The following SRD5A1 variants were observed in gnomAD, a reference collection of about 807,000 sequenced individuals.
SRD5A1 encodes steroid 5 alpha-reductase 1, also known as 3-oxo-5-alpha-steroid 4-dehydrogenase 1.
In SRD5A1, 22 loss-of-function variants were observed where a neutral mutation model predicts 28.2. That is an observed-to-expected ratio of 0.78 (90% confidence interval 0.56 to 1.12). SRD5A1 has a LOEUF of 1.12. Among genes scored for constraint, SRD5A1 ranks in the 50% most tolerant of loss-of-function variants. The pLI, the probability that SRD5A1 is intolerant of heterozygous loss-of-function variation, is 0.00. For missense variants in SRD5A1, 300 were observed against 346.7 expected (o/e 0.87, Z 1.07); for synonymous variants, 151 against 135.0 (o/e 1.12, Z -0.82).
chr5:6,658,747 T>C (rs1190959545), intron 3 of SRD5A1, among the ~76,000 whole-genome samples: 1 of 151,924 alleles, frequency 6.6e-6, no homozygotes, highest in East Asian at 1.9e-4. Flanking sequence ...CAAAATTCTT[T>C]ATTTCTAATC....
chr5:6,642,029 G>A (rs763494355), intron 1 of SRD5A1, among the ~76,000 whole-genome samples: 12 of 152,298 alleles, frequency 7.9e-5, no homozygotes, highest in Non-Finnish European at 1.3e-4. Flanking sequence ...AGGTATTTAC[G>A]ATGAGAGAAA....
In SRD5A1 at chr5:6,633,884, C is replaced by CCCGGGCCCCCTACCCTACT. The variant is rs757375510; in HGVS notation, c.293+17_293+18insGGGCCCCCTACCCTACTCC. ...TACGGGCATCGGTAACGTCCCCGGC[C>CCCGGGCCCCCTACCCTACT]CCCGGCCCCCTACCCTACTCCCGGC... On this transcript the variant is annotated intron_variant, in intron 1 of 4. Coordinates refer to ENST00000274192, the MANE Select transcript of SRD5A1 (RefSeq NM_001047.4). 6 of 1,596,546 alleles carry CCCGGGCCCCCTACCCTACT rather than the reference C, an allele frequency of 3.8e-6. No homozygotes were observed. In the Admixed American group the frequency reaches 1.0e-4, roughly 27 times the overall value.
chr5:6,665,071 G>A (rs8192233), intron 4 of SRD5A1, among the ~76,000 whole-genome samples: 3,326 of 152,362 alleles, frequency 0.022, 51 homozygotes, highest in Non-Finnish European at 0.027. Flanking sequence ...ACTGGAGAAC[G>A]TTATCAGTTG....
In SRD5A1 at chr5:6,662,940, A is replaced by G. The variant is rs1161677789; in HGVS notation, c.687A>G (p.Leu229=). ...TTGCTTTCTTCACGTTTTGTTTTTTATCTGGTAGAGCAAAAGAGCATCATG... is the reference window on the plus strand; with the variant it reads ...TTGCTTTCTTCACGTTTTGTTTTTTGTCTGGTAGAGCAAAAGAGCATCATG... The part of the protein sequence containing the change: ...AAFAFFTFCF[L]SGRAKEHHEW... Residue 229 remains leucine (L), a synonymous_variant, in exon 4 of 5, where the codon TTA becomes TTG. Transcript: ENST00000274192. 3.1e-6 allele frequency: 5 copies of G among 1,614,034 alleles called. No homozygotes were observed. The African/African-American group carries it at 6.7e-5, about 22-fold the overall frequency.
intron 1 of SRD5A1, chr5:6,644,947 T>G (rs1243765950): frequency 6.6e-6 from 3 of 455,878 alleles, no homozygotes; most frequent in Non-Finnish European, 1.3e-5. Context: ...ATTCATTGCT[T>G]GGCAACACTG....
At chr5:6,645,303 T>C (rs1738478257) in intron 1 of SRD5A1, 1 of 230,900 alleles carries the variant, frequency 4.3e-6, no homozygotes, top group Non-Finnish European at 8.7e-6. Flanking sequence ...TTTCCTGCTC[T>C]ATTAAGGTAT....
At chr5:6,652,565 G>T (rs1738710754) in intron 2 of SRD5A1, among the ~76,000 whole-genome samples, 1 of 152,058 alleles carries the variant, frequency 6.6e-6, no homozygotes, top group African/African-American at 2.4e-5. Context: ...AAAAATATTT[G>T]CAAGAGCATT....
intron 1 of SRD5A1, among the ~76,000 whole-genome samples, chr5:6,649,294 G>A (rs934868185): frequency 1.3e-5 from 2 of 152,204 alleles, no homozygotes; most frequent in Admixed American, 6.5e-5. Flanking sequence ...AGGCAGAGAC[G>A]TTTAAGTCTG....
At position 6,674,258 on chromosome 5, in the gene SRD5A1, A is replaced by C. The variant is rs1739442984; in HGVS notation, c.*5990A>C. ...AACTAGTGTACAACACTAATGCAAG[A>C]TGTTAATAGGGGAAATCGTGTTGGA... On this transcript the variant is annotated 3_prime_UTR_variant, in exon 5 of 5. Coordinates refer to ENST00000274192, the MANE Select transcript of SRD5A1 (RefSeq NM_001047.4). 1 of 152,122 alleles carries C rather than the reference A, an allele frequency of 6.6e-6. No homozygotes were observed. Among genetic ancestry groups the C allele is most frequent in the African/African-American group, 2.4e-5 (1 of 41,420 alleles). The allele number at this position is 152,122 out of a possible 1,614,324, so 9.4% of individuals were successfully genotyped here.
chr5:6,651,147 A>G (rs1738660528), intron 1 of SRD5A1, among the ~76,000 whole-genome samples: 1 of 152,088 alleles, frequency 6.6e-6, no homozygotes, highest in African/African-American at 2.4e-5. Context: ...AATGGAAGCC[A>G]TTGCAATGGT....
Position 6,645,034 on chromosome 5 carries a change from T to C in SRD5A1, c.294-6808T>C, listed in dbSNP as rs8192180. Reference sequence around the variant, plus strand: ...ACTTACTGGCCAACACGTGCTTTGCTGTAAATCAGTATGAAGTCTTCCTAG... The same window carrying C: ...ACTTACTGGCCAACACGTGCTTTGCCGTAAATCAGTATGAAGTCTTCCTAG... On this transcript the variant is annotated intron_variant, in intron 1 of 4. Transcript: ENST00000274192. 3,343 of 455,744 alleles carry C rather than the reference T, an allele frequency of 7.3e-3. 88 individuals are homozygous for C. Among genetic ancestry groups the C allele is most frequent in the African/African-American group, 0.06 (3,005 of 50,134 alleles). The allele number at this position is 455,744 out of a possible 1,614,324, so 28.2% of individuals were successfully genotyped here.
chr5:6,644,881 G>A (rs1474390745), intron 1 of SRD5A1: 3 of 455,848 alleles, frequency 6.6e-6, no homozygotes, highest in East Asian at 1.4e-4. Flanking sequence ...TTGTCTGCCC[G>A]GATCTGAATC....
intron 1 of SRD5A1, among the ~76,000 whole-genome samples, chr5:6,642,697 G>T (rs1313533339): frequency 6.6e-6 from 1 of 152,342 alleles, no homozygotes; most frequent in East Asian, 1.9e-4. Flanking sequence ...TATCAAGTCT[G>T]CAGTAAAAGC....
rs187231287 is a variant in SRD5A1, at chr5:6,648,416, A to G, written c.294-3426A>G. ...TCTCCCCGTCACTTTCAGGTACAAG[A>G]GTCAAACGTAGATTTGGTCTTTTCA... On this transcript the variant is annotated intron_variant, in intron 1 of 4. Transcript: ENST00000274192. 2.0e-4 allele frequency among the ~76,000 whole-genome samples: 30 copies of G among 152,306 alleles called. 1 individual carries two copies. Among genetic ancestry groups the G allele is most frequent in the Non-Finnish European group, 4.1e-4 (28 of 68,018 alleles).
intron 3 of SRD5A1, among the ~76,000 whole-genome samples, chr5:6,658,774 A>C (rs1004545587): frequency 5.3e-5 from 8 of 152,150 alleles, no homozygotes; most frequent in Admixed American, 1.3e-4. Context: ...AAAAAAAAAC[A>C]AACCACAGAA....
rs1297708087 is a variant in SRD5A1, at chr5:6,670,848, G to C, written c.*2580G>C. On this transcript the variant is annotated 3_prime_UTR_variant, in exon 5 of 5. Transcript: ENST00000274192. ...CAGATCATTGCAAATACTGCTAATT[G>C]ATTCCTTTTTATGGCTGAGTAGTAT... 1 of 152,106 alleles carries C rather than the reference G, an allele frequency of 6.6e-6. No homozygotes were observed. Among genetic ancestry groups the C allele is most frequent in the Non-Finnish European group, 1.5e-5 (1 of 68,022 alleles). The allele number at this position is 152,106 out of a possible 1,614,324, so 9.4% of individuals were successfully genotyped here.
chr5:6,668,250 A>G lies in SRD5A1; in HGVS notation c.762A>G (p.Ile254Met). Residue 254 changes from isoleucine to methionine, a missense_variant, in exon 5 of 5, where the codon ATA (isoleucine) becomes ATG (methionine). By Grantham distance (10) the Ile-to-Met change is conservative. Coordinates refer to ENST00000274192, the MANE Select transcript of SRD5A1 (RefSeq NM_001047.4). Reference sequence around the variant, plus strand: ...AGTATCCAAAGTTCAGAAAAATTATAATTCCATTTTTGTTTTAAGTGCGTT... The same window carrying G: ...AGTATCCAAAGTTCAGAAAAATTATGATTCCATTTTTGTTTTAAGTGCGTT... ...FEEYPKFRKI[I>M]IPFLF 1 of 1,588,646 alleles carries G rather than the reference A, an allele frequency of 6.3e-7. No individual in the cohort carries two copies. The highest frequency in any genetic ancestry group is 8.6e-7 in the Non-Finnish European group (1 of 1,168,172).
chr5:6,637,028 C>T (rs577394584), intron 1 of SRD5A1, among the ~76,000 whole-genome samples: 21 of 152,212 alleles, frequency 1.4e-4, no homozygotes, highest in African/African-American at 4.3e-4. Flanking sequence ...CTCACGGTAG[C>T]GACAAGGATT....
intron 2 of SRD5A1, among the ~76,000 whole-genome samples, chr5:6,653,760 A>T (rs1738753410): frequency 1.3e-5 from 2 of 152,056 alleles, no homozygotes; most frequent in African/African-American, 4.8e-5. Context: ...CAACAGAAGA[A>T]CCCTCCTGTT....
Sources: gnomAD v4.1 joint callset for allele counts (sites outside exome capture counted in the v4.1 genomes callset) on GRCh38, gnomAD v4.1.1 for gene constraint, MANE v1.5 for transcripts, NCBI Gene and HGNC (gene_info 2026-07-23, HGNC 2026-07-21) for gene names.